The following STX18 variants were observed in gnomAD, a reference collection of about 807,000 sequenced individuals.
STX18 encodes the protein syntaxin-18.
In STX18, 40 loss-of-function variants were observed where a neutral mutation model predicts 50.1. The observed-to-expected ratio is 0.80, with a 90% confidence interval of 0.62 to 1.04. The LOEUF is 1.04. Among genes scored for constraint, STX18 ranks in the 50% least tolerant of loss-of-function variants. The pLI is 0.00. For missense variants in STX18, 410 were observed against 415.8 expected (o/e 0.99, Z 0.12); for synonymous variants, 158 against 151.8 (o/e 1.04, Z -0.30).
intron 1 of STX18, among the ~76,000 whole-genome samples, chr4:4,481,890 AG>A (rs1380865867): frequency 1.3e-5 from 2 of 152,194 alleles, no homozygotes; most frequent in African/African-American, 4.8e-5. Flanking sequence ...GAATACATAA[AG>A]GAACTGTTCC....
At chr4:4,511,248 C>G (rs1042417117) in intron 1 of STX18, among the ~76,000 whole-genome samples, 8 of 152,190 alleles carry the variant, frequency 5.3e-5, no homozygotes, top group African/African-American at 1.7e-4. Context: ...ACAATGCATT[C>G]TGACAGTTTC....
intron 9 of STX18, 105 bp from the exon 10 acceptor site, chr4:4,421,049 A>C (rs1407405682): frequency 8.5e-7 from 1 of 1,179,900 alleles, no homozygotes; most frequent in East Asian, 2.3e-5. Context: ...CAGCGCTCAG[A>C]AAGTTTCAGA....
chr4:4,475,010 T>C (rs573427432), intron 1 of STX18, among the ~76,000 whole-genome samples: 3 of 152,224 alleles, frequency 2.0e-5, no homozygotes, highest in Non-Finnish European at 4.4e-5. Flanking sequence ...AAGTTTTCCA[T>C]ACAAAGTTTT....
chr4:4,458,064 C>G (rs1199899105), intron 3 of STX18, among the ~76,000 whole-genome samples: 3 of 152,182 alleles, frequency 2.0e-5, no homozygotes, highest in Non-Finnish European at 4.4e-5. Flanking sequence ...GTCTGTGCCA[C>G]TGGTTTTGGT....
intron 1 of STX18, chr4:4,507,918 A>G (rs1258112872): frequency 4.0e-6 from 2 of 502,980 alleles, no homozygotes; most frequent in Admixed American, 6.8e-5. Context: ...AGCATTCCGT[A>G]TTTACTGCCT....
chr4:4,525,281 C>T (rs1159695859), intron 1 of STX18, among the ~76,000 whole-genome samples: 1 of 151,984 alleles, frequency 6.6e-6, no homozygotes, highest in Non-Finnish European at 1.5e-5. Flanking sequence ...CAGCTGTTCT[C>T]CAATTTCACA....
At chr4:4,427,466 T>TGCAGGCGCCAATTTA (rs1725306482) in intron 7 of STX18, among the ~76,000 whole-genome samples, 2 of 152,220 alleles carry the variant, frequency 1.3e-5, no homozygotes, top group South Asian at 4.1e-4. Flanking sequence ...AAGGAAAACA[T>TGCAGGCGCCAATTTA]GTAATTACTA....
intron 3 of STX18, among the ~76,000 whole-genome samples, chr4:4,458,406 T>C (rs1464506925): frequency 2.6e-5 from 4 of 152,204 alleles, no homozygotes; most frequent in African/African-American, 7.2e-5. Flanking sequence ...AAATTGCATA[T>C]AGAATTTTGT....
At chr4:4,528,207 C>T (rs982511449) in intron 1 of STX18, among the ~76,000 whole-genome samples, 2 of 152,056 alleles carry the variant, frequency 1.3e-5, no homozygotes, top group Non-Finnish European at 2.9e-5. Context: ...TAGTTGACCC[C>T]TATCAGAAGC....
At chr4:4,496,700 T>A (rs934765848) in intron 1 of STX18, among the ~76,000 whole-genome samples, 1 of 152,194 alleles carries the variant, frequency 6.6e-6, no homozygotes, top group African/African-American at 2.4e-5. Flanking sequence ...GGTAGAAAGG[T>A]TGACATCTTC....
At chr4:4,432,871 C>A (rs186489941) in intron 7 of STX18, among the ~76,000 whole-genome samples, 1 of 152,264 alleles carries the variant, frequency 6.6e-6, no homozygotes, top group South Asian at 2.1e-4. Flanking sequence ...CCAATGCTCA[C>A]GAGAGCAGAC....
intron 1 of STX18, among the ~76,000 whole-genome samples, chr4:4,498,263 C>T (rs567757769): frequency 6.6e-6 from 1 of 152,018 alleles, no homozygotes; most frequent in Non-Finnish European, 1.5e-5. Flanking sequence ...GAGGCACTCC[C>T]AGCAAAAAGA....
rs1267960330 is a variant in STX18, at chr4:4,438,441, C to T, written c.566G>A (p.Ser189Asn). 3 of 1,613,910 alleles carry T rather than the reference C, an allele frequency of 1.9e-6. No individual in the cohort carries two copies. In the South Asian group the frequency reaches 3.3e-5, roughly 18 times the overall value. Residue 189 changes from serine (S) to asparagine (N), a missense_variant, in exon 6 of 11, where the codon AGT becomes AAT. Ser to Asn is a conservative substitution (Grantham distance 46, BLOSUM62 1). Transcript: ENST00000306200. ...GTTTTCTTCAGAGTCTTTTGAAGGA[C>T]TCTGTGAAACTTTCTCAGAAGATGT... ...ESTSSEKVSQ[S>N]PSKDSEENPA...
At chr4:4,538,892 G>A (rs1452770632) in intron 1 of STX18, among the ~76,000 whole-genome samples, 3 of 152,070 alleles carry the variant, frequency 2.0e-5, no homozygotes, top group African/African-American at 4.8e-5. Flanking sequence ...GGAGTTGTTC[G>A]AATAATATAA....
intron 1 of STX18, among the ~76,000 whole-genome samples, chr4:4,533,078 GAA>G (rs1731174115): frequency 6.6e-6 from 1 of 152,130 alleles, no homozygotes; most frequent in Non-Finnish European, 1.5e-5. Flanking sequence ...CTGTAACAAA[GAA>G]AAAAGTATTG....
chr4:4,438,619 T>G (rs545835892), intron 5 of STX18, 110 bp from the exon 6 acceptor site: 1 of 815,938 alleles, frequency 1.2e-6, no homozygotes, highest in African/African-American at 1.7e-5. Flanking sequence ...GTCCCTGTAC[T>G]GGGGAGCAGT....
At chr4:4,478,770 AG>A (rs968629120) in intron 1 of STX18, 1 of 152,310 alleles carries the variant, frequency 6.6e-6, no homozygotes. Flanking sequence ...CTCTTCTTAG[AG>A]GGAAGAGGAG....
At chr4:4,535,455 T>C (rs1458855292) in intron 1 of STX18, among the ~76,000 whole-genome samples, 1 of 152,120 alleles carries the variant, frequency 6.6e-6, no homozygotes, top group East Asian at 1.9e-4. Context: ...AAACACAGCA[T>C]CATGAAGCTA....
chr4:4,497,010 T>G (rs1729208767), intron 1 of STX18, among the ~76,000 whole-genome samples: 1 of 152,168 alleles, frequency 6.6e-6, no homozygotes, highest in Non-Finnish European at 1.5e-5. Context: ...CTTCCTCATG[T>G]TTTACGCGAA....
Sources: gnomAD v4.1 joint callset for allele counts (sites outside exome capture counted in the v4.1 genomes callset) on GRCh38, gnomAD v4.1.1 for gene constraint, MANE v1.5 for transcripts, NCBI Gene and HGNC (gene_info 2026-07-23, HGNC 2026-07-21) for gene names.